Variants in NKAIN3 observed in about 807,000 individuals in gnomAD.
NKAIN3 encodes the protein sodium/potassium-transporting ATPase subunit beta-1-interacting protein 3.
In NKAIN3, 25 loss-of-function variants were observed where a neutral mutation model predicts 30.2. That is an observed-to-expected ratio of 0.83 (90% CI 0.60 to 1.16). NKAIN3 has a LOEUF of 1.16. NKAIN3 is among the 50% of genes most tolerant of loss of function. The probability of loss-of-function intolerance (pLI) is 0.00; values close to 1 mark genes in which losing one functional copy is unlikely to be tolerated. For missense variants in NKAIN3, 225 were observed against 254.1 expected, an observed-to-expected ratio of 0.89 and a Z score of 0.78; for synonymous variants, 91 against 89.6, an observed-to-expected ratio of 1.02 and a Z score of -0.09.
chr8:62,741,261 C>A (rs1042657354), intron 3 of NKAIN3, among the ~76,000 whole-genome samples: 5 of 151,628 alleles, frequency 3.3e-5, no homozygotes, highest in Admixed American at 2.0e-4. Flanking sequence ...CCAATATATG[C>A]CATTCTGGCA....
intron 3 of NKAIN3, among the ~76,000 whole-genome samples, chr8:62,664,937 A>T (rs1813054678): frequency 6.6e-6 from 1 of 152,220 alleles, no homozygotes; most frequent in African/African-American, 2.4e-5. Flanking sequence ...CGCTGACGAC[A>T]TCCAAAACCT....
At chr8:62,455,324 C>T (rs1414284590) in intron 1 of NKAIN3, among the ~76,000 whole-genome samples, 3 of 152,214 alleles carry the variant, frequency 2.0e-5, no homozygotes, top group African/African-American at 7.2e-5. Flanking sequence ...ACTCCATGGA[C>T]TACTATGCAG....
chr8:62,761,773 G>C (rs1008854627), intron 4 of NKAIN3, among the ~76,000 whole-genome samples: 5 of 152,168 alleles, frequency 3.3e-5, no homozygotes, highest in Admixed American at 3.3e-4. Context: ...AGACAGCTGG[G>C]ACTTTAGCAA....
At chr8:62,584,190 T>G (rs1366149963) in intron 2 of NKAIN3, among the ~76,000 whole-genome samples, 1 of 152,168 alleles carries the variant, frequency 6.6e-6, no homozygotes, top group Non-Finnish European at 1.5e-5. Flanking sequence ...CTTCTTCTAT[T>G]TTTAGTATTG....
At chr8:62,432,440 A>C (rs528988766) in intron 1 of NKAIN3, among the ~76,000 whole-genome samples, 2 of 152,146 alleles carry the variant, frequency 1.3e-5, no homozygotes, top group African/African-American at 2.4e-5. Flanking sequence ...AGAGGATTGT[A>C]GAATGGTTTA....
intron 3 of NKAIN3, among the ~76,000 whole-genome samples, chr8:62,699,112 C>T (rs918435121): frequency 1.3e-5 from 2 of 152,122 alleles, no homozygotes; most frequent in Non-Finnish European, 2.9e-5. Context: ...GGGATATTTA[C>T]ACATTATCGC....
chr8:62,831,183 A>G (rs1563583204), intron 4 of NKAIN3, among the ~76,000 whole-genome samples: 1 of 152,168 alleles, frequency 6.6e-6, no homozygotes, highest in Non-Finnish European at 1.5e-5. Context: ...AGCATTCTCT[A>G]CAGTCACACC....
chr8:62,275,174 G>A (rs980076113), intron 1 of NKAIN3, among the ~76,000 whole-genome samples: 1 of 152,094 alleles, frequency 6.6e-6, no homozygotes, highest in Non-Finnish European at 1.5e-5. Context: ...TCGCCACACT[G>A]ACTTCCACAA....
At chr8:62,878,873 G>A (rs1166319665) in intron 4 of NKAIN3, among the ~76,000 whole-genome samples, 1 of 152,060 alleles carries the variant, frequency 6.6e-6, no homozygotes. Context: ...AGTATTCCAT[G>A]GTGTATATGT....
chr8:62,759,349 G>C (rs1015947663), intron 4 of NKAIN3, among the ~76,000 whole-genome samples: 1 of 152,124 alleles, frequency 6.6e-6, no homozygotes, highest in African/African-American at 2.4e-5. Flanking sequence ...TGTAATGGTA[G>C]AAATCAATTC....
At chr8:62,386,118 T>C (rs1817417580) in intron 1 of NKAIN3, among the ~76,000 whole-genome samples, 1 of 152,190 alleles carries the variant, frequency 6.6e-6, no homozygotes, top group Non-Finnish European at 1.5e-5. Flanking sequence ...TTACATCTAA[T>C]TTGTTGCTAT....
exon 6 of NKAIN3, chr8:62,999,301 T>C (rs1804198404): frequency 6.6e-6 from 1 of 152,196 alleles, no homozygotes; most frequent in Non-Finnish European, 1.5e-5. Flanking sequence ...TTACTCATGA[T>C]GGAAGGCAAA....
In NKAIN3 at chr8:62,573,312, A is replaced by G. The variant is rs534433258; in HGVS notation, c.55-6227A>G. 1.3e-4 allele frequency among the ~76,000 whole-genome samples: 20 copies of G among 152,342 alleles called. 1 individual carries two copies. Among genetic ancestry groups the G allele is most frequent in the African/African-American group, 4.1e-4 (17 of 41,600 alleles). ...TTATAATGACTGTGAAATATTTTTC[A>G]TGCAGCACCTAGCATGAGCTAGGGT... On this transcript the variant is annotated intron_variant, in intron 1 of 6. Transcript: ENST00000623646.
rs1811984086 is a variant in NKAIN3 at position 62,248,947 on chromosome 8, C to CG, written c.-126dup. On this transcript the variant is annotated 5_prime_UTR_variant, in exon 1 of 7. Transcript: ENST00000623646. ...GCGCGAGCCCCGAGCCCTGGAGCCG[C>CG]GAGCGGCGGCCGCGGGGCCGAGGAG... 9.7e-6 allele frequency: 8 copies of CG among 825,374 alleles called. No homozygotes were observed. The highest frequency in any genetic ancestry group is 1.4e-5 in the Non-Finnish European group (8 of 557,462). The allele number at this position is 825,374 out of a possible 1,614,324, so 51.1% of individuals were successfully genotyped here.
At chr8:62,345,446 CACACATATGTATATAT>C (rs1261814344) in intron 1 of NKAIN3, among the ~76,000 whole-genome samples, 22 of 120,806 alleles carry the variant, frequency 1.8e-4, no homozygotes, top group African/African-American at 7.5e-4. Context: ...TGTATATATA[CACACATATGTATATAT>C]ACACATATAT....
chr8:62,409,324 A>G (rs1253217342), intron 1 of NKAIN3, among the ~76,000 whole-genome samples: 3 of 152,140 alleles, frequency 2.0e-5, no homozygotes, highest in Non-Finnish European at 4.4e-5. Context: ...AGCTGGGATT[A>G]CAGGCATACA....
chr8:62,320,164 T>TC (rs1367544173), intron 1 of NKAIN3, among the ~76,000 whole-genome samples: 1 of 152,184 alleles, frequency 6.6e-6, no homozygotes, highest in Non-Finnish European at 1.5e-5. Context: ...CCCCTGCCTT[T>TC]TTTTGTTTTC....
chr8:62,506,142 AT>A (rs202115411), intron 1 of NKAIN3, among the ~76,000 whole-genome samples: 1 of 87,154 alleles, frequency 1.1e-5, no homozygotes. Flanking sequence ...TAACCTCCCC[AT>A]AACAAGATCC....
At chr8:62,324,039 G>T (rs565224678) in intron 1 of NKAIN3, among the ~76,000 whole-genome samples, 2 of 152,090 alleles carry the variant, frequency 1.3e-5, no homozygotes, top group African/African-American at 4.8e-5. Context: ...ATATTGTAAT[G>T]ATGGGCACTT....
Sources: allele counts gnomAD v4.1 joint callset (sites outside exome capture counted in the v4.1 genomes callset), GRCh38; gene constraint gnomAD v4.1.1; transcripts MANE v1.5; gene names NCBI Gene and HGNC (gene_info 2026-07-23, HGNC 2026-07-21).